Variants in CHST9 observed in about 807,000 individuals in gnomAD.
The protein encoded by CHST9 is GalNAc-4-sulfotransferase 2.
CHST9 carries 41 observed loss-of-function variants against 44.4 expected under a neutral mutation model. That is an observed-to-expected ratio of 0.92 (90% CI 0.72 to 1.20). The LOEUF (loss-of-function observed/expected upper bound fraction) is 1.20. Ranked by LOEUF, CHST9 falls within the 50% of genes most tolerant of loss-of-function variation. The pLI is 0.00. For missense variants in CHST9, 504 were observed against 516.5 expected, an observed-to-expected ratio of 0.98 and a Z score of 0.23; for synonymous variants, 171 against 178.4, an observed-to-expected ratio of 0.96 and a Z score of 0.33.
intron 1 of CHST9, among the ~76,000 whole-genome samples, chr18:27,148,590 T>C (rs1280895056): frequency 1.3e-5 from 2 of 150,740 alleles, no homozygotes; most frequent in Non-Finnish European, 3.0e-5. Context: ...CATGAACTCA[T>C]CCTTTTTTAT....
At chr18:27,090,101 G>A (rs757860364) in intron 2 of CHST9, among the ~76,000 whole-genome samples, 21 of 152,074 alleles carry the variant, frequency 1.4e-4, no homozygotes, top group Admixed American at 2.6e-4. Flanking sequence ...GTGAGCCACC[G>A]CGCCCAGTGT....
At position 26,909,257 on chromosome 18, in the gene CHST9, C is replaced by A. The variant is rs1476786422; in HGVS notation, c.*7002G>T. ...AGTTGTTAACTTTTCAACACAGTGA[C>A]AGAATGAAAAGAGCAGGTTGTATTA... On this transcript the variant is annotated 3_prime_UTR_variant, in exon 6 of 6. Transcript: ENST00000618847. The A allele has an allele frequency of 6.6e-6, 1 of 152,160 alleles. No individual in the cohort carries two copies. Among genetic ancestry groups the A allele is most frequent in the African/African-American group, 2.4e-5 (1 of 41,432 alleles). The allele number at this position is 152,160 out of a possible 1,614,324, so 9.4% of individuals were successfully genotyped here.
chr18:27,010,732 A>C (rs144938957), intron 4 of CHST9, among the ~76,000 whole-genome samples: 4 of 152,330 alleles, frequency 2.6e-5, no homozygotes, highest in Admixed American at 2.6e-4. Context: ...GTATTTTGGC[A>C]TCAGCAGAAA....
intron 1 of CHST9, among the ~76,000 whole-genome samples, chr18:27,145,247 A>G (rs1438634039): frequency 6.6e-6 from 1 of 152,114 alleles, no homozygotes; most frequent in African/African-American, 2.4e-5. Flanking sequence ...GCTGGAGTGC[A>G]GTGCCGCAAT....
intron 2 of CHST9, among the ~76,000 whole-genome samples, chr18:27,087,920 T>C (rs2058028589): frequency 6.6e-6 from 1 of 152,178 alleles, no homozygotes; most frequent in Non-Finnish European, 1.5e-5. Context: ...CCCAACAATT[T>C]TGGGTATTCC....
At chr18:27,124,669 C>G (rs1181748233) in intron 2 of CHST9, among the ~76,000 whole-genome samples, 1 of 152,190 alleles carries the variant, frequency 6.6e-6, no homozygotes, top group Non-Finnish European at 1.5e-5. Context: ...GCAGTTATAA[C>G]TTTTCCCTTA....
chr18:26,986,320 C>T (rs568398316), intron 4 of CHST9, among the ~76,000 whole-genome samples: 28 of 151,888 alleles, frequency 1.8e-4, no homozygotes, highest in Admixed American at 7.2e-4. Flanking sequence ...AAGAATTATA[C>T]GGGATATGAT....
rs1283237618 is a variant in CHST9, at chr18:27,148,294, A to G, written c.-96-5389T>C. On this transcript the variant is annotated intron_variant, in intron 1 of 5. Transcript: ENST00000618847. The stretch of plus-strand genomic sequence containing the variant: ...TATTATACTTTAAGTTTTAGGGTAC[A>G]TGTGCACAACATGCAGGTTTGTTAC... Among the ~76,000 whole-genome samples, 7 of 151,040 alleles carry G rather than the reference A, an allele frequency of 4.6e-5. 1 individual carries two copies. Among genetic ancestry groups the G allele is most frequent in the Non-Finnish European group, 8.8e-5 (6 of 67,900 alleles).
intron 3 of CHST9, among the ~76,000 whole-genome samples, chr18:27,030,207 T>C (rs1372812441): frequency 1.3e-5 from 2 of 152,214 alleles, no homozygotes; most frequent in African/African-American, 4.8e-5. Flanking sequence ...AATAAAATTA[T>C]GTTAAATTGT....
intron 4 of CHST9, among the ~76,000 whole-genome samples, chr18:26,998,862 A>G (rs2056917499): frequency 6.6e-6 from 1 of 152,092 alleles, no homozygotes; most frequent in Non-Finnish European, 1.5e-5. Flanking sequence ...GTCTCTGGCT[A>G]TCATGTGGCA....
At chr18:26,976,370 TC>T (rs1307539710) in intron 4 of CHST9, among the ~76,000 whole-genome samples, 2 of 152,030 alleles carry the variant, frequency 1.3e-5, no homozygotes, top group Non-Finnish European at 2.9e-5. Context: ...CTAATTCTGT[TC>T]AGATAAAAGA....
chr18:26,912,452 A>G lies in CHST9; in HGVS notation c.*3807T>C, dbSNP rs146079278. On this transcript the variant is annotated 3_prime_UTR_variant, in exon 6 of 6. Transcript: ENST00000618847. ...GTATGGAAAAAATTTCAGGATTCCA[A>G]TATATTGTTTTTGCCTCTACCTATC... 7.9e-5 allele frequency: 12 copies of G among 152,124 alleles called. No homozygotes were observed. Among genetic ancestry groups the G allele is most frequent in the Non-Finnish European group, 1.6e-4 (11 of 68,066 alleles). The allele number at this position is 152,124 out of a possible 1,614,324, so 9.4% of individuals were successfully genotyped here. A position where few individuals can be genotyped will look rare whatever the true frequency, so the allele number is the denominator to read the frequency against.
At chr18:26,941,490 G>A (rs530165781) in intron 5 of CHST9, among the ~76,000 whole-genome samples, 9 of 151,442 alleles carry the variant, frequency 5.9e-5, no homozygotes, top group Middle Eastern at 3.4e-3. Flanking sequence ...ATTTGATTTC[G>A]AAAGCATTTT....
intron 2 of CHST9, among the ~76,000 whole-genome samples, chr18:27,100,020 GAT>G (rs10589747): frequency 0.81 from 121,674 of 150,002 alleles, 49,640 homozygotes; most frequent in East Asian, 0.92. Flanking sequence ...TATATATAAT[GAT>G]ATATATATAT....
chr18:27,181,844 T>C (rs749569296), intron 1 of CHST9, among the ~76,000 whole-genome samples: 6 of 152,222 alleles, frequency 3.9e-5, no homozygotes, highest in Admixed American at 6.5e-5. Context: ...GAATTACATA[T>C]GATTTCCTGC....
intron 4 of CHST9, among the ~76,000 whole-genome samples, chr18:27,003,698 G>A (rs564080752): frequency 7.4e-4 from 113 of 152,176 alleles, no homozygotes; most frequent in African/African-American, 2.7e-3. Context: ...AAGAAATGGT[G>A]GATTTGGAAA....
chr18:26,934,241 T>C (rs35311825), intron 5 of CHST9: 26,784 of 151,530 alleles, frequency 0.18, 2,496 homozygotes, highest in African/African-American at 0.2. Flanking sequence ...TTCTTTCTTT[T>C]TTTTTTTTTT....
Position 27,105,942 on chromosome 18 carries a change from G to GT in CHST9, c.121+36746dup, listed in dbSNP as rs1410909234. 2.0e-5 allele frequency among the ~76,000 whole-genome samples: 3 copies of GT among 152,084 alleles called. No homozygotes were observed. The East Asian group carries it at 5.8e-4, about 29-fold the overall frequency. On this transcript the variant is annotated intron_variant, in intron 2 of 5. Transcript: ENST00000618847. ...GAAAAACATGTATCAATTAATACAA[G>GT]TTATCAAATACATTTCGCAAATTTT...
chr18:26,957,153 C>T (rs543645286), intron 4 of CHST9, among the ~76,000 whole-genome samples: 32 of 152,098 alleles, frequency 2.1e-4, no homozygotes, highest in Non-Finnish European at 3.1e-4. Flanking sequence ...TGGTGCCTAC[C>T]TCCAACCAAC....
Sources: gnomAD v4.1 joint callset for allele counts (sites outside exome capture counted in the v4.1 genomes callset) on GRCh38, gnomAD v4.1.1 for gene constraint, MANE v1.5 for transcripts, NCBI Gene and HGNC (gene_info 2026-07-23, HGNC 2026-07-21) for gene names.